The following RABGAP1L variants were observed in gnomAD, a reference collection of about 807,000 sequenced individuals.
RABGAP1L encodes the protein RAB GTPase activating protein 1 like.
RABGAP1L carries 63 observed loss-of-function variants against 137.7 expected under a neutral mutation model. The observed-to-expected ratio is 0.46, with a 90% CI of 0.37 to 0.56. The LOEUF (loss-of-function observed/expected upper bound fraction) is 0.56. Among genes scored for constraint, RABGAP1L ranks in the 20% least tolerant of loss-of-function variants. The probability of loss-of-function intolerance (pLI) is 0.00; values close to 1 mark genes in which losing one functional copy is unlikely to be tolerated. For synonymous variants in RABGAP1L, 431 were observed against 433.7 expected (o/e 0.99, Z 0.08); for missense variants, 1,095 against 1,244.0 (o/e 0.88, Z 1.80).
intron 19 of RABGAP1L, among the ~76,000 whole-genome samples, chr1:174,889,809 G>A (rs1027048512): frequency 6.6e-6 from 1 of 151,932 alleles, no homozygotes; most frequent in African/African-American, 2.4e-5. Flanking sequence ...GGCTCACTGC[G>A]GCCTCAAATG....
intron 12 of RABGAP1L, among the ~76,000 whole-genome samples, chr1:174,372,964 C>T (rs776042297): frequency 6.6e-6 from 1 of 152,150 alleles, no homozygotes; most frequent in Non-Finnish European, 1.5e-5. Flanking sequence ...CCCAGATGTT[C>T]CAGCCATTCT....
At chr1:174,574,636 G>GT (rs201572684) in intron 13 of RABGAP1L, among the ~76,000 whole-genome samples, 5,331 of 152,120 alleles carry the variant, frequency 0.035, 126 homozygotes, top group Middle Eastern at 0.088. Flanking sequence ...AAAATGGCAT[G>GT]TTTTTTTAAC....
At chr1:174,236,011 C>T (rs1454668401) in intron 4 of RABGAP1L, among the ~76,000 whole-genome samples, 5 of 66,560 alleles carry the variant, frequency 7.5e-5, no homozygotes, top group African/African-American at 4.4e-4. Context: ...GTGTATGTGT[C>T]GAGGAATGTA....
chr1:174,957,810 T>C (rs534325476), intron 20 of RABGAP1L: 1 of 1,311,640 alleles, frequency 7.6e-7, no homozygotes, highest in African/African-American at 1.5e-5. Flanking sequence ...TTAGATGCTC[T>C]CTGATCATGC....
chr1:174,383,299 G>C (rs987565124), intron 12 of RABGAP1L, among the ~76,000 whole-genome samples: 2 of 151,550 alleles, frequency 1.3e-5, no homozygotes, highest in African/African-American at 4.9e-5. Flanking sequence ...AGGCCTCCTT[G>C]AGCTGTGGTG....
intron 21 of RABGAP1L, 59 bp from the exon 22 acceptor site, chr1:174,976,019 C>T (rs1285252444): frequency 7.0e-7 from 1 of 1,420,570 alleles, no homozygotes; most frequent in Non-Finnish European, 9.7e-7. Context: ...GATTTCCACA[C>T]ACTTTCTTTA....
At chr1:174,876,886 G>A (rs1053373270) in intron 19 of RABGAP1L, among the ~76,000 whole-genome samples, 4 of 151,760 alleles carry the variant, frequency 2.6e-5, no homozygotes, top group Non-Finnish European at 4.4e-5. Context: ...TACTCAGAGG[G>A]GAAAATTTTT....
At chr1:174,774,451 G>A (rs1793293) in intron 18 of RABGAP1L, among the ~76,000 whole-genome samples, 5 of 151,800 alleles carry the variant, frequency 3.3e-5, no homozygotes, top group African/African-American at 4.8e-5. Context: ...AAAAAAAATA[G>A]CAAGGCATAG....
At chr1:174,667,747 C>A (rs1460933463) in intron 14 of RABGAP1L, among the ~76,000 whole-genome samples, 1 of 152,132 alleles carries the variant, frequency 6.6e-6, no homozygotes, top group Non-Finnish European at 1.5e-5. Context: ...GTGCTATGAC[C>A]TGGTTATTTA....
intron 19 of RABGAP1L, among the ~76,000 whole-genome samples, chr1:174,819,648 T>C (rs937998645): frequency 2.6e-5 from 4 of 152,120 alleles, no homozygotes; most frequent in African/African-American, 9.7e-5. Flanking sequence ...AAGCAGCATA[T>C]GCAAAGCCTG....
intron 11 of RABGAP1L, among the ~76,000 whole-genome samples, chr1:174,330,553 C>G (rs1429606646): frequency 6.6e-6 from 1 of 152,036 alleles, no homozygotes; most frequent in Non-Finnish European, 1.5e-5. Flanking sequence ...CCACTGCACT[C>G]CACCCTGAAT....
At chr1:174,515,879 AT>A (rs147125055) in intron 13 of RABGAP1L, among the ~76,000 whole-genome samples, 16,999 of 151,940 alleles carry the variant, frequency 0.11, 3,206 homozygotes, top group African/African-American at 0.39. Flanking sequence ...TGAGCACTCT[AT>A]CTTAAGTTGG....
At chr1:174,659,389 T>C (rs1479350523) in intron 14 of RABGAP1L, among the ~76,000 whole-genome samples, 1 of 152,184 alleles carries the variant, frequency 6.6e-6, no homozygotes, top group African/African-American at 2.4e-5. Context: ...GTATTCCATA[T>C]CATAACTCTA....
At chr1:174,492,267 G>A (rs1660321778) in intron 13 of RABGAP1L, among the ~76,000 whole-genome samples, 2 of 141,914 alleles carry the variant, frequency 1.4e-5, no homozygotes, top group African/African-American at 2.6e-5. Flanking sequence ...TGCAACCTCC[G>A]CCTCCCAGGT....
intron 19 of RABGAP1L, among the ~76,000 whole-genome samples, chr1:174,843,155 T>C (rs543353632): frequency 3.3e-5 from 5 of 152,250 alleles, no homozygotes; most frequent in Non-Finnish European, 1.5e-5. Flanking sequence ...CCTCTGTGCC[T>C]TTATTTGGGA....
chr1:174,417,555 A>G (rs771709624), intron 13 of RABGAP1L, among the ~76,000 whole-genome samples: 3 of 152,220 alleles, frequency 2.0e-5, no homozygotes, highest in Non-Finnish European at 4.4e-5. Flanking sequence ...TTGAACAAGA[A>G]CAGTGATAAA....
At chr1:174,379,262 C>T (rs1289925317) in intron 12 of RABGAP1L, among the ~76,000 whole-genome samples, 5 of 148,872 alleles carry the variant, frequency 3.4e-5, no homozygotes, top group Non-Finnish European at 7.4e-5. Flanking sequence ...ATTGACTTGG[C>T]GATGCGGGCT....
At position 174,448,941 on chromosome 1, in the gene RABGAP1L, T is replaced by G; in HGVS notation, c.1710+54796T>G. On this transcript the variant is annotated intron_variant, in intron 13 of 25. Coordinates refer to ENST00000681986, the MANE Select transcript of RABGAP1L (RefSeq NM_001366446.1). This position sits in a 1 kb window ranked among gnomAD's most constrained non-coding sequence, Gnocchi z 4.2. ...AGGATAACCAGTGTATTTTATATGC[T>G]GTGGCTCCCCTATATAATTTACTTT... 1.9e-6 allele frequency: 3 copies of G among 1,614,052 alleles called. No homozygotes were observed. Among genetic ancestry groups the G allele is most frequent in the Non-Finnish European group, 2.5e-6 (3 of 1,179,874 alleles).
At chr1:174,485,433 G>A (rs7525430) in intron 13 of RABGAP1L, among the ~76,000 whole-genome samples, 18,305 of 152,186 alleles carry the variant, frequency 0.12, 3,717 homozygotes, top group African/African-American at 0.41. Flanking sequence ...TAGAGGAAAG[G>A]CTTTCAGTTT....
Sources: allele counts gnomAD v4.1 joint callset (sites outside exome capture counted in the v4.1 genomes callset), GRCh38; gene constraint gnomAD v4.1.1; non-coding constraint Gnocchi (gnomAD v3.1); transcripts MANE v1.5; gene names NCBI Gene and HGNC (gene_info 2026-07-23, HGNC 2026-07-21).